The following DNAH11 variants were observed in gnomAD, a reference collection of about 807,000 sequenced individuals.
DNAH11 encodes axonemal beta dynein heavy chain 11.
A neutral mutation model predicts 526.0 loss-of-function variants in DNAH11; 442 were observed. That is an observed-to-expected ratio of 0.84 (90% CI 0.78 to 0.91). The LOEUF (loss-of-function observed/expected upper bound fraction) is 0.91, where lower values mean the gene tolerates loss of function less well. Among genes scored for constraint, DNAH11 ranks in the 40% least tolerant of loss-of-function variants. The probability of loss-of-function intolerance (pLI) is 0.00; values close to 1 mark genes in which losing one functional copy is unlikely to be tolerated. For synonymous variants in DNAH11, 2,461 were observed against 1,935.9 expected (o/e 1.27, Z -7.12); for missense variants, 6,989 against 5,448.7 (o/e 1.28, Z -8.90).
intron 76 of DNAH11, among the ~76,000 whole-genome samples, chr7:21,890,349 A>G (rs1480683388): frequency 1.3e-5 from 2 of 152,190 alleles, no homozygotes; most frequent in African/African-American, 4.8e-5. Flanking sequence ...TTTCTTTCCA[A>G]AGAGCATGGG....
chr7:21,814,116 G>T (rs4719675), intron 63 of DNAH11, among the ~76,000 whole-genome samples: 24 of 151,858 alleles, frequency 1.6e-4, no homozygotes, highest in Non-Finnish European at 2.1e-4. Flanking sequence ...GTAAGTATTT[G>T]TGCATCTAAA....
At position 21,857,550 on chromosome 7, in the gene DNAH11, G is replaced by A. The variant is rs529687427; in HGVS notation, c.11202+3095G>A. ...TTTGAAAAAGAAAAAAAAAAACAGG[G>A]TTGGAAGACTTACAATTTCTGATTT... On this transcript the variant is annotated intron_variant, in intron 68 of 81. Coordinates refer to ENST00000409508, the MANE Select transcript of DNAH11 (RefSeq NM_001277115.2). 2.0e-5 allele frequency among the ~76,000 whole-genome samples: 3 copies of A among 151,922 alleles called. No individual in the cohort carries two copies. The East Asian group carries it at 5.8e-4, about 29-fold the overall frequency.
chr7:21,845,260 T>G (rs12669970), intron 66 of DNAH11, among the ~76,000 whole-genome samples: 1 of 152,296 alleles, frequency 6.6e-6, no homozygotes, highest in East Asian at 1.9e-4. Flanking sequence ...TTCTTGCTTG[T>G]TTTTTGGTAT....
intron 55 of DNAH11, among the ~76,000 whole-genome samples, chr7:21,770,665 A>T (rs1325580179): frequency 6.6e-6 from 1 of 152,188 alleles, no homozygotes; most frequent in Non-Finnish European, 1.5e-5. Flanking sequence ...CCTTCTTTTG[A>T]CTATTGCATG....
At chr7:21,625,289 C>T (rs1178245061) in intron 25 of DNAH11, among the ~76,000 whole-genome samples, 1 of 152,018 alleles carries the variant, frequency 6.6e-6, no homozygotes, top group East Asian at 1.9e-4. Context: ...TTAACCATTT[C>T]AATTTGTTGA....
chr7:21,601,299 G>T, intron 17 of DNAH11, 97 bp from the exon 18 acceptor site: 1 of 1,437,966 alleles, frequency 7.0e-7, no homozygotes, highest in Non-Finnish European at 9.4e-7. Flanking sequence ...GTTTAATCAG[G>T]TACATAATGA....
At chr7:21,627,459 T>C (rs938959155) in intron 25 of DNAH11, among the ~76,000 whole-genome samples, 1 of 152,190 alleles carries the variant, frequency 6.6e-6, no homozygotes, top group African/African-American at 2.4e-5. Flanking sequence ...TTTGTTTACA[T>C]TGAGGGATAG....
chr7:21,868,836 C>T lies in DNAH11; in HGVS notation c.11840-28C>T, dbSNP rs760525560. The T allele has an allele frequency of 3.7e-6, 6 of 1,613,436 alleles. No homozygotes were observed. In the South Asian group the frequency reaches 5.5e-5, roughly 15 times the overall value. On this transcript the variant is annotated intron_variant, in intron 72 of 81. Coordinates refer to ENST00000409508, the MANE Select transcript of DNAH11 (RefSeq NM_001277115.2). Reference sequence around the variant, plus strand: ...CTCTCACCCTCCTTCATAGACATTTCCTCTCACCGTGGTGTATTCTCCCAC... The same window carrying T: ...CTCTCACCCTCCTTCATAGACATTTTCTCTCACCGTGGTGTATTCTCCCAC...
chr7:21,877,642 G>A (rs895822827), intron 74 of DNAH11, among the ~76,000 whole-genome samples: 5 of 151,886 alleles, frequency 3.3e-5, no homozygotes, highest in African/African-American at 7.3e-5. Context: ...TTGGGAGGCC[G>A]AGGCGGGCGG....
At chr7:21,753,645 G>T (rs1786506247) in intron 54 of DNAH11, among the ~76,000 whole-genome samples, 1 of 152,144 alleles carries the variant, frequency 6.6e-6, no homozygotes. Context: ...CATATTAATT[G>T]TGTCTGTTTC....
chr7:21,634,727 G>T (rs1786774803), intron 25 of DNAH11, among the ~76,000 whole-genome samples: 1 of 152,122 alleles, frequency 6.6e-6, no homozygotes, highest in Non-Finnish European at 1.5e-5. Flanking sequence ...CCCATTACCT[G>T]GGTGATGAAA....
intron 20 of DNAH11, among the ~76,000 whole-genome samples, chr7:21,612,470 G>T (rs1785567106): frequency 1.3e-5 from 2 of 148,472 alleles, no homozygotes; most frequent in Admixed American, 6.9e-5. Context: ...CAGGAGAATG[G>T]CATGAACCCA....
intron 20 of DNAH11, among the ~76,000 whole-genome samples, chr7:21,611,204 C>G (rs545030506): frequency 1.3e-5 from 2 of 152,100 alleles, no homozygotes; most frequent in East Asian, 1.9e-4. Flanking sequence ...AAAGGAATAC[C>G]TTTCTCCTGG....
At chr7:21,774,821 G>C (rs1007322241) in intron 56 of DNAH11, among the ~76,000 whole-genome samples, 2 of 152,120 alleles carry the variant, frequency 1.3e-5, no homozygotes, top group African/African-American at 4.8e-5. Flanking sequence ...GCCTTATTCT[G>C]AGCCAGTCAG....
intron 66 of DNAH11, among the ~76,000 whole-genome samples, chr7:21,846,499 T>C (rs1782426595): frequency 6.6e-6 from 1 of 152,208 alleles, no homozygotes; most frequent in African/African-American, 2.4e-5. Context: ...TTTTCTTCTT[T>C]AGCTTGTTAT....
At position 21,798,348 on chromosome 7, in the gene DNAH11, G is replaced by A. The variant is rs558499874; in HGVS notation, c.10027-2789G>A. On this transcript the variant is annotated intron_variant, in intron 61 of 81. Coordinates refer to ENST00000409508, the MANE Select transcript of DNAH11 (RefSeq NM_001277115.2). ...TGACCTCAGGTGATCCACCTGCCTC[G>A]GCCTCCCAAAGTGCTGGGATTACAG... Among the ~76,000 whole-genome samples, 4 of 152,172 alleles carry A rather than the reference G, an allele frequency of 2.6e-5. No homozygotes were observed. The South Asian group carries it at 8.3e-4, about 32-fold the overall frequency.
In DNAH11 at chr7:21,543,278, A is replaced by G. The variant is rs1782654042; in HGVS notation, c.33A>G (p.Arg11=). The G allele has an allele frequency of 3.2e-6, 5 of 1,541,436 alleles. No individual in the cohort carries two copies. The highest frequency in any genetic ancestry group is 4.4e-6 in the Non-Finnish European group (5 of 1,141,816). MAAQVAAREA[R]DFREAPTLRL... ...CCCAGGTGGCAGCCCGGGAGGCGCG[A>G]GACTTCAGAGAAGCCCCGACCCTTC... is the stretch of plus-strand genomic sequence containing the variant. The change falls in exon 1 of 82, where the codon CGA becomes CGG. Residue 11 remains arginine (R), a synonymous_variant. Coordinates refer to ENST00000409508, the MANE Select transcript of DNAH11 (RefSeq NM_001277115.2).
intron 49 of DNAH11, among the ~76,000 whole-genome samples, chr7:21,742,671 A>G (rs1374614038): frequency 6.6e-6 from 1 of 152,170 alleles, no homozygotes; most frequent in African/African-American, 2.4e-5. Context: ...GTTCCTTTAT[A>G]AAACAGCTTA....
chr7:21,842,526 G>A lies in DNAH11; in HGVS notation c.10692-18G>A, dbSNP rs745632664. 50 of 1,607,034 alleles carry A rather than the reference G, an allele frequency of 3.1e-5. No homozygotes were observed. The highest frequency in any genetic ancestry group is 4.0e-5 in the Non-Finnish European group (47 of 1,174,944). The stretch of plus-strand genomic sequence containing the variant: ...GGTCATAGGAGTCTCCTGAAAGTCT[G>A]TGTTTTGCTCCGTTTAGGTATATCA... On this transcript the variant is annotated intron_variant, in intron 65 of 81. Coordinates refer to ENST00000409508, the MANE Select transcript of DNAH11 (RefSeq NM_001277115.2).
Sources: allele counts gnomAD v4.1 joint callset (sites outside exome capture counted in the v4.1 genomes callset), GRCh38; gene constraint gnomAD v4.1.1; transcripts MANE v1.5; gene names NCBI Gene and HGNC (gene_info 2026-07-23, HGNC 2026-07-21).